Variants in OR51D1 observed in about 807,000 individuals in gnomAD.
OR51D1 encodes olfactory receptor family 51 subfamily D member 1.
For synonymous variants in OR51D1, 187 were observed against 161.1 expected, an observed-to-expected ratio of 1.16 and a Z score of -1.22; for missense variants, 452 against 396.2, an observed-to-expected ratio of 1.14 and a Z score of -1.20.
At chr11:4,638,766 G>A (rs765314979) in intron 1 of OR51D1, among the ~76,000 whole-genome samples, 2 of 149,342 alleles carry the variant, frequency 1.3e-5, no homozygotes, top group Non-Finnish European at 3.0e-5. Context: ...TAGGGGAAAG[G>A]GGCTTATCGT....
chr11:4,640,665 A>C lies in OR51D1; in HGVS notation c.875A>C (p.Tyr292Ser). The C allele has an allele frequency of 1.9e-6, 3 of 1,613,532 alleles. No individual in the cohort carries two copies. The highest frequency in any genetic ancestry group is 1.7e-6 in the Non-Finnish European group (2 of 1,179,882). ...CTCCATGTGGTTATGGCTAATACCT[A>C]CTTGCTGCTACCACCTGTAGTCAAC... is the stretch of plus-strand genomic sequence containing the variant. Reference protein sequence around the residue: ...SLLHVVMANTYLLLPPVVNPL... With the variant: ...SLLHVVMANTSLLLPPVVNPL... The change falls in exon 2 of 2, where the codon TAC becomes TCC. Residue 292 changes from tyrosine to serine, a missense_variant. Coordinates refer to ENST00000641817, the MANE Select transcript of OR51D1 (RefSeq NM_001004751.3).
At chr11:4,638,019 G>C (rs1335001560) in intron 1 of OR51D1, among the ~76,000 whole-genome samples, 2 of 152,224 alleles carry the variant, frequency 1.3e-5, no homozygotes, top group Non-Finnish European at 2.9e-5. Flanking sequence ...TTGCTGTTTA[G>C]ATGGCAGTGG....
In OR51D1 at chr11:4,642,758, T is replaced by G. The variant is rs1846984031; in HGVS notation, c.*1993T>G. On this transcript the variant is annotated 3_prime_UTR_variant, in exon 2 of 2. Coordinates refer to ENST00000641817, the MANE Select transcript of OR51D1 (RefSeq NM_001004751.3). ...CTCACTGTCCTTCCACATGTCTCATTGTTACTCCATATTGGATGGAAGTAG... is the reference window on the plus strand; with the variant it reads ...CTCACTGTCCTTCCACATGTCTCATGGTTACTCCATATTGGATGGAAGTAG... The G allele has an allele frequency of 6.6e-6, 1 of 152,164 alleles. No individual in the cohort carries two copies. Among genetic ancestry groups the G allele is most frequent in the African/African-American group, 2.4e-5 (1 of 41,428 alleles). 9.4% of individuals were successfully genotyped at this position (152,164 alleles called of 1,614,324 possible). A position where few individuals can be genotyped will look rare whatever the true frequency, so the allele number is the denominator to read the frequency against.
chr11:4,640,210 C>G lies in OR51D1; in HGVS notation c.420C>G (p.Cys140Trp). 6.2e-7 allele frequency: 1 copy of G among 1,614,212 alleles called. No individual in the cohort carries two copies. Among genetic ancestry groups the G allele is most frequent in the South Asian group, 1.1e-5 (1 of 91,086 alleles). The stretch of plus-strand genomic sequence containing the variant: ...CTTTTGACCGCTTTGTGGCCATTTG[C>G]CACCCATTGCGCCATGCTTCTGTGC... ...AMAFDRFVAI[C>W]HPLRHASVLT... The change falls in exon 2 of 2, where the codon TGC becomes TGG. Residue 140 changes from cysteine to tryptophan, a missense_variant. Physicochemically the swap from Cys to Trp is radical, Grantham distance 215. Coordinates refer to ENST00000641817, the MANE Select transcript of OR51D1 (RefSeq NM_001004751.3).
chr11:4,640,329 C>T lies in OR51D1; in HGVS notation c.539C>T (p.Ser180Phe). 1.2e-6 allele frequency: 2 copies of T among 1,614,162 alleles called. No homozygotes were observed. The highest frequency in any genetic ancestry group is 2.7e-5 in the African/African-American group (2 of 75,044). ...FPLPFILKWL[S>F]YCQTHTVTHS... ...CTGCCCTTCATCCTCAAGTGGTTGT[C>T]CTACTGCCAAACACATACTGTCACA... Residue 180 changes from serine to phenylalanine, a missense_variant, in exon 2 of 2, where the codon TCC (serine) becomes TTC (phenylalanine). Coordinates refer to ENST00000641817, the MANE Select transcript of OR51D1 (RefSeq NM_001004751.3).
At position 4,640,806 on chromosome 11, in the gene OR51D1, G is replaced by T. The variant is rs1004272275; in HGVS notation, c.*41G>T. ...CGCTTCTACTACTACTACAGAAGAT[G>T]GGAATATTAGGATCCTATTGAATGC... On this transcript the variant is annotated 3_prime_UTR_variant, in exon 2 of 2. Transcript: ENST00000641817. 2 of 1,544,228 alleles carry T rather than the reference G, an allele frequency of 1.3e-6. No homozygotes were observed. The highest frequency in any genetic ancestry group is 1.4e-5 in the African/African-American group (1 of 72,840).
rs777867875 is a variant in OR51D1 at position 4,639,918 on chromosome 11, C to T, written c.128C>T (p.Pro43Leu). The T allele has an allele frequency of 1.2e-6, 2 of 1,614,194 alleles. No individual in the cohort carries two copies. The highest frequency in any genetic ancestry group is 1.6e-4 in the Middle Eastern group (1 of 6,062). The change falls in exon 2 of 2, where the codon CCA becomes CTA. Residue 43 changes from proline to leucine, a missense_variant. Physicochemically the swap from Pro to Leu is moderately conservative, Grantham distance 98. Coordinates refer to ENST00000641817, the MANE Select transcript of OR51D1 (RefSeq NM_001004751.3). ...GPTIHFWLAF[P>L]LCFMYALATL... ...ACCATACACTTTTGGCTGGCTTTCC[C>T]ACTGTGTTTTATGTATGCCTTGGCC... is the stretch of plus-strand genomic sequence containing the variant.
chr11:4,639,598 G>A (rs763001464), intron 1 of OR51D1, 179 bp from the exon 2 acceptor site: 16 of 623,048 alleles, frequency 2.6e-5, no homozygotes, highest in Non-Finnish European at 4.2e-5. Context: ...GGCTCAAGAT[G>A]TCCAGGAAGT....
At position 4,640,540 on chromosome 11, in the gene OR51D1, T is replaced by C. The variant is rs773354794; in HGVS notation, c.750T>C (p.Ala250=). Residue 250 remains alanine, a synonymous_variant, in exon 2 of 2, where the codon GCT becomes GCC. Coordinates refer to ENST00000641817, the MANE Select transcript of OR51D1 (RefSeq NM_001004751.3). ...ELSSRRAALK[A]FNTCISHLCA... ...CCTCTCGGAGGGCAGCACTCAAGGC[T>C]TTCAACACCTGCATCTCCCACCTCT... 6 of 1,613,916 alleles carry C rather than the reference T, an allele frequency of 3.7e-6. No individual in the cohort carries two copies. Among genetic ancestry groups the C allele is most frequent in the Non-Finnish European group, 5.1e-6 (6 of 1,180,012 alleles).
In OR51D1 at chr11:4,639,888, G is replaced by T. The variant is rs2133219001; in HGVS notation, c.98G>T (p.Gly33Val). Residue 33 changes from glycine to valine, a missense_variant, in exon 2 of 2, where the codon GGG becomes GTG. Gly to Val is a moderately radical substitution (Grantham distance 109). Transcript: ENST00000641817. ...YFLLVGIPGL[G>V]PTIHFWLAFP... ...CTTTTGGTGGGTATCCCTGGCCTGG[G>T]GCCTACCATACACTTTTGGCTGGCT... 6.2e-7 allele frequency: 1 copy of T among 1,614,106 alleles called. No homozygotes were observed. Among genetic ancestry groups the T allele is most frequent in the East Asian group, 2.2e-5 (1 of 44,874 alleles).
At chr11:4,637,995 C>T (rs1846918826) in intron 1 of OR51D1, among the ~76,000 whole-genome samples, 1 of 152,042 alleles carries the variant, frequency 6.6e-6, no homozygotes, top group South Asian at 2.1e-4. Context: ...AGCAGGAGCC[C>T]CAGGTGTCCA....
chr11:4,640,881 T>A lies in OR51D1; in HGVS notation c.*116T>A. On this transcript the variant is annotated 3_prime_UTR_variant, in exon 2 of 2. Coordinates refer to ENST00000641817, the MANE Select transcript of OR51D1 (RefSeq NM_001004751.3). ...ATTGTGCTGTCTTCTTCCAGCAATT[T>A]AAGTAGATCATGTATTCTGTCTCCA... 1 of 929,878 alleles carries A rather than the reference T, an allele frequency of 1.1e-6. No homozygotes were observed. Among genetic ancestry groups the A allele is most frequent in the Non-Finnish European group, 1.6e-6 (1 of 623,052 alleles). 57.6% of individuals were successfully genotyped at this position (929,878 alleles called of 1,614,324 possible).
Position 4,642,581 on chromosome 11 carries a change from T to G in OR51D1, c.*1816T>G, listed in dbSNP as rs937772588. 9.4e-6 allele frequency: 1 copy of G among 106,322 alleles called. No individual in the cohort carries two copies. Among genetic ancestry groups the G allele is most frequent in the African/African-American group, 3.3e-5 (1 of 30,178 alleles). 6.6% of individuals were successfully genotyped at this position (106,322 alleles called of 1,614,324 possible). On this transcript the variant is annotated 3_prime_UTR_variant, in exon 2 of 2. Transcript: ENST00000641817. ...CAAAAAAAAAAAAAAAAAAAAAGCC[T>G]TGGTTGTAGGGAGTTTCTCCTAATC... is the stretch of plus-strand genomic sequence containing the variant.
chr11:4,639,555 G>C (rs1223803327), intron 1 of OR51D1, among the ~76,000 whole-genome samples: 1 of 152,202 alleles, frequency 6.6e-6, no homozygotes, highest in Non-Finnish European at 1.5e-5. Context: ...GAATCTGCTT[G>C]TGCAGCACTG....
In OR51D1 at chr11:4,640,425, G is replaced by C. The variant is rs946958687; in HGVS notation, c.635G>C (p.Gly212Ala). 1.2e-6 allele frequency: 2 copies of C among 1,614,118 alleles called. No individual in the cohort carries two copies. Among genetic ancestry groups the C allele is most frequent in the African/African-American group, 2.7e-5 (2 of 75,016 alleles). ...GACACCAGGGTCAATGTGGTTTATGGACTCTTCATCATCCTCTCAGTCATG... is the reference window on the plus strand; with the variant it reads ...GACACCAGGGTCAATGTGGTTTATGCACTCTTCATCATCCTCTCAGTCATG... Reference protein sequence around the residue: ...CTDTRVNVVYGLFIILSVMGV... With the variant: ...CTDTRVNVVYALFIILSVMGV... Residue 212 changes from glycine to alanine, a missense_variant, in exon 2 of 2, where the codon GGA (glycine) becomes GCA (alanine). Physicochemically the swap from Gly to Ala is moderately conservative, Grantham distance 60 (BLOSUM62 0). Coordinates refer to ENST00000641817, the MANE Select transcript of OR51D1 (RefSeq NM_001004751.3).
Position 4,639,785 on chromosome 11 carries a change from T to C in OR51D1, c.-6T>C. 1 of 1,610,378 alleles carries C rather than the reference T, an allele frequency of 6.2e-7. No individual in the cohort carries two copies. Among genetic ancestry groups the C allele is most frequent in the Non-Finnish European group, 8.5e-7 (1 of 1,177,456 alleles). On this transcript the variant is annotated 5_prime_UTR_variant, in exon 2 of 2. Transcript: ENST00000641817. ...CCTTTCTACTTTCCTAGACCCTGGA[T>C]TTTGTATGCAGAAGCCCCAGCTCTT... is the stretch of plus-strand genomic sequence containing the variant.
intron 1 of OR51D1, among the ~76,000 whole-genome samples, chr11:4,638,324 G>A (rs1443204189): frequency 6.6e-6 from 1 of 152,100 alleles, no homozygotes; most frequent in African/African-American, 2.4e-5. Context: ...TGAGTGGGAG[G>A]CCCATAGGCT....
At chr11:4,639,704 T>C in intron 1 of OR51D1, 73 bp from the exon 2 acceptor site, 2 of 1,418,494 alleles carry the variant, frequency 1.4e-6, no homozygotes, top group Non-Finnish European at 1.9e-6. Flanking sequence ...CAATGCCTTT[T>C]CCTCATTAGT....
rs866900481 is a variant in OR51D1 at position 4,640,555 on chromosome 11, C to T, written c.765C>T (p.Ile255=). The part of the protein sequence containing the change: ...RAALKAFNTC[I]SHLCAVLVFY... ...CACTCAAGGCTTTCAACACCTGCAT[C>T]TCCCACCTCTGTGCTGTTCTGGTCT... The change falls in exon 2 of 2, where the codon ATC becomes ATT. Residue 255 remains isoleucine, a synonymous_variant. Transcript: ENST00000641817. 1.9e-6 allele frequency: 3 copies of T among 1,613,726 alleles called. No individual in the cohort carries two copies. Among genetic ancestry groups the T allele is most frequent in the Non-Finnish European group, 2.5e-6 (3 of 1,180,012 alleles).
Sources: allele counts gnomAD v4.1 joint callset (sites outside exome capture counted in the v4.1 genomes callset), GRCh38; gene constraint gnomAD v4.1.1; transcripts MANE v1.5; gene names NCBI Gene and HGNC (gene_info 2026-07-23, HGNC 2026-07-21).